APH1B: variants seen among roughly 807,000 people sequenced by gnomAD.
The protein encoded by APH1B is gamma-secretase subunit APH-1B.
In APH1B, 27 loss-of-function variants were observed where a neutral mutation model predicts 28.2. That is an observed-to-expected ratio of 0.96 (90% CI 0.70 to 1.32). The LOEUF (loss-of-function observed/expected upper bound fraction) is 1.32, where lower values mean the gene tolerates loss of function less well. APH1B is among the 40% of genes most tolerant of loss of function. APH1B has a pLI of 0.00. For missense variants in APH1B, 305 were observed against 313.6 expected (o/e 0.97, Z 0.21); for synonymous variants, 141 against 124.6 (o/e 1.13, Z -0.88).
intron 4 of APH1B, among the ~76,000 whole-genome samples, chr15:63,294,472 T>C (rs1184547241): frequency 1.3e-5 from 2 of 152,232 alleles, no homozygotes. Flanking sequence ...TGGGACCACT[T>C]GTACCAGTTC....
intron 4 of APH1B, among the ~76,000 whole-genome samples, chr15:63,295,480 A>G (rs1052157954): frequency 2.0e-5 from 3 of 152,174 alleles, no homozygotes; most frequent in African/African-American, 4.8e-5. Context: ...TTAATGTGCT[A>G]CATATAGAAA....
At chr15:63,301,952 C>T (rs766630189) in intron 4 of APH1B, among the ~76,000 whole-genome samples, 5 of 152,084 alleles carry the variant, frequency 3.3e-5, no homozygotes, top group South Asian at 2.1e-4. Flanking sequence ...CAAAAGGATC[C>T]GAGGAAAAAT....
chr15:63,295,506 T>C (rs2152598794), intron 4 of APH1B, among the ~76,000 whole-genome samples: 1 of 152,360 alleles, frequency 6.6e-6, no homozygotes, highest in East Asian at 1.9e-4. Flanking sequence ...AGTTGACTTG[T>C]GGTTCTTCAA....
intron 4 of APH1B, among the ~76,000 whole-genome samples, chr15:63,289,238 ACAT>A (rs1259405481): frequency 6.6e-6 from 1 of 152,230 alleles, no homozygotes; most frequent in Non-Finnish European, 1.5e-5. Context: ...TACTGTTATA[ACAT>A]CATTCTTTGA....
At position 63,303,874 on chromosome 15, in the gene APH1B, AACACACACACACAC is replaced by A. The variant is rs113837395; in HGVS notation, c.606+1423_606+1436del. On this transcript the variant is annotated intron_variant, in intron 5 of 5. Transcript: ENST00000261879. The stretch of plus-strand genomic sequence containing the variant: ...TTGGTGAACACACACACACACACAC[AACACACACACACAC>A]ACACACACACACACACACACTTCTT... 3.1e-3 allele frequency among the ~76,000 whole-genome samples: 445 copies of A among 145,698 alleles called. 4 individuals carry two copies. Among genetic ancestry groups the A allele is most frequent in the African/African-American group, 9.7e-3 (384 of 39,392 alleles).
At chr15:63,278,178 C>A (rs2038345988) in intron 1 of APH1B, 2 of 395,830 alleles carry the variant, frequency 5.1e-6, no homozygotes, top group East Asian at 7.1e-5. Flanking sequence ...TTAAAACATG[C>A]CGATGCCCAC....
At chr15:63,294,963 T>G (rs1316425147) in intron 4 of APH1B, among the ~76,000 whole-genome samples, 2 of 152,244 alleles carry the variant, frequency 1.3e-5, no homozygotes, top group Non-Finnish European at 2.9e-5. Context: ...CTCATCTCAG[T>G]TAATGGAATT....
chr15:63,302,775 G>A (rs1170838490), intron 5 of APH1B, among the ~76,000 whole-genome samples: 2 of 152,148 alleles, frequency 1.3e-5, no homozygotes, highest in African/African-American at 4.8e-5. Context: ...GAAAAGTTGC[G>A]TATTCCAGAC....
chr15:63,302,148 T>C (rs1424049356), intron 4 of APH1B, among the ~76,000 whole-genome samples, 197 bp from the exon 5 acceptor site: 4 of 152,226 alleles, frequency 2.6e-5, no homozygotes, highest in Non-Finnish European at 4.4e-5. Context: ...GTTTACATTC[T>C]AGACAAGAAG....
chr15:63,289,349 A>G (rs1430880054), intron 4 of APH1B, among the ~76,000 whole-genome samples: 1 of 152,212 alleles, frequency 6.6e-6, no homozygotes, highest in East Asian at 1.9e-4. Flanking sequence ...GTTATTTATA[A>G]CTACTTGTAA....
intron 2 of APH1B, among the ~76,000 whole-genome samples, chr15:63,279,837 G>A (rs1595757953): frequency 7.6e-6 from 1 of 132,400 alleles, no homozygotes; most frequent in Non-Finnish European, 1.6e-5. Context: ...CGCTCCTGTT[G>A]CCCAGGCTGG....
rs552377805 is a variant in APH1B, at chr15:63,286,563, C to G, written c.290C>G (p.Ala97Gly). ...RFAYYKLLKK[A>G]SEGLKSINPG... is the part of the protein sequence containing the mutation. ...CATGTGTGGTTTTATTTTAGAAAAG[C>G]CAGTGAAGGTTTGAAGAGTATAAAC... The change falls in exon 3 of 6, where the codon GCC (alanine) becomes GGC (glycine). Residue 97 changes from alanine to glycine, a missense_variant. Ala to Gly is a moderately conservative substitution (Grantham distance 60, BLOSUM62 0). Coordinates refer to ENST00000261879, the MANE Select transcript of APH1B (RefSeq NM_031301.4). 4.4e-6 allele frequency: 7 copies of G among 1,584,580 alleles called. No homozygotes were observed. In the African/African-American group the frequency reaches 5.6e-5, roughly 13 times the overall value.
chr15:63,288,809 T>C (rs896331846), intron 4 of APH1B, among the ~76,000 whole-genome samples: 1 of 152,208 alleles, frequency 6.6e-6, no homozygotes, highest in East Asian at 1.9e-4. Context: ...TTAAAACAAA[T>C]GTAATATTAG....
intron 4 of APH1B, among the ~76,000 whole-genome samples, chr15:63,290,280 T>C: frequency 6.6e-6 from 1 of 152,192 alleles, no homozygotes; most frequent in East Asian, 1.9e-4. Flanking sequence ...TCTTTTTTAT[T>C]TGTGGTTATG....
intron 4 of APH1B, among the ~76,000 whole-genome samples, chr15:63,295,579 A>C (rs1014907787): frequency 7.2e-5 from 11 of 152,140 alleles, no homozygotes; most frequent in African/African-American, 2.7e-4. Flanking sequence ...ACCACTATTG[A>C]CACCTGGGGC....
intron 4 of APH1B, among the ~76,000 whole-genome samples, chr15:63,298,990 C>G (rs964285394): frequency 6.6e-6 from 1 of 151,272 alleles, no homozygotes; most frequent in Admixed American, 6.6e-5. Flanking sequence ...AAGTAAGATT[C>G]GGATGTGGTG....
intron 4 of APH1B, among the ~76,000 whole-genome samples, chr15:63,296,476 C>A (rs1486983857): frequency 2.0e-5 from 3 of 152,124 alleles, no homozygotes; most frequent in Admixed American, 2.0e-4. Context: ...TCTGTGCTGG[C>A]AGGAAGCCAG....
intron 1 of APH1B, among the ~76,000 whole-genome samples, chr15:63,278,846 A>T (rs1477144145): frequency 1.3e-5 from 2 of 152,248 alleles, no homozygotes; most frequent in African/African-American, 4.8e-5. Context: ...TAGAAAGAGT[A>T]GCAAATAACC....
At chr15:63,298,324 C>G (rs1041568324) in intron 4 of APH1B, among the ~76,000 whole-genome samples, 1 of 152,152 alleles carries the variant, frequency 6.6e-6, no homozygotes, top group African/African-American at 2.4e-5. Flanking sequence ...AATCCTCCCA[C>G]GTCAGCCTCC....
Sources: gnomAD v4.1 joint callset for allele counts (sites outside exome capture counted in the v4.1 genomes callset) on GRCh38, gnomAD v4.1.1 for gene constraint, MANE v1.5 for transcripts, NCBI Gene and HGNC (gene_info 2026-07-23, HGNC 2026-07-21) for gene names.